Variants in ATP2B2 observed in about 807,000 individuals in gnomAD.
The protein encoded by ATP2B2 is ATPase plasma membrane Ca2+ transporting 2.
Under a neutral mutation model 120.0 loss-of-function variants are expected in ATP2B2, and 15 were observed. That is an observed-to-expected ratio of 0.12 (90% CI 0.08 to 0.19). The LOEUF is 0.19. Among genes scored for constraint, ATP2B2 ranks in the 10% least tolerant of loss-of-function variants. The pLI, the probability that ATP2B2 is intolerant of heterozygous loss-of-function variation, is 1.00. For synonymous variants in ATP2B2, 694 were observed against 700.3 expected, an observed-to-expected ratio of 0.99 and a Z score of 0.14; for missense variants, 1,045 against 1,719.8, an observed-to-expected ratio of 0.61 and a Z score of 6.94.
At chr3:10,494,416 C>T (rs2125378779) in intron 1 of ATP2B2, among the ~76,000 whole-genome samples, 1 of 152,264 alleles carries the variant, frequency 6.6e-6, no homozygotes, top group South Asian at 2.1e-4. Flanking sequence ...GTCATTTGCT[C>T]AAGGTCACAT....
chr3:10,345,051 C>G (rs893739398), intron 18 of ATP2B2, among the ~76,000 whole-genome samples: 20 of 152,238 alleles, frequency 1.3e-4, no homozygotes, highest in African/African-American at 4.6e-4. Context: ...CCTCTGCCCT[C>G]GTGGTGGCCA....
chr3:10,615,123 C>A (rs1020399697), intron 2 of ATP2B2, among the ~76,000 whole-genome samples: 11 of 152,004 alleles, frequency 7.2e-5, no homozygotes, highest in Non-Finnish European at 1.2e-4. Flanking sequence ...GCAGGAAGCA[C>A]CCTAAACCAC....
intron 1 of ATP2B2, among the ~76,000 whole-genome samples, chr3:10,641,914 C>T (rs2070182002): frequency 2.0e-5 from 3 of 152,022 alleles, no homozygotes. Context: ...ATCCATCATC[C>T]ACCCATCCAT....
intron 1 of ATP2B2, among the ~76,000 whole-genome samples, chr3:10,485,531 C>G (rs1163937301): frequency 6.6e-6 from 1 of 152,226 alleles, no homozygotes; most frequent in South Asian, 2.1e-4. Context: ...CCGCTCCCTC[C>G]GCTTCTCCCT....
At chr3:10,361,514 C>T (rs2060898340) in intron 12 of ATP2B2, among the ~76,000 whole-genome samples, 1 of 152,296 alleles carries the variant, frequency 6.6e-6, no homozygotes, top group Non-Finnish European at 1.5e-5. Context: ...TTCATGCTGG[C>T]CCTGTGCCCG....
chr3:10,636,472 T>C (rs1655718914), intron 1 of ATP2B2, among the ~76,000 whole-genome samples: 1 of 152,216 alleles, frequency 6.6e-6, no homozygotes, highest in African/African-American at 2.4e-5. Flanking sequence ...AGAGGAATTG[T>C]TCTAACGATC....
chr3:10,489,766 T>G (rs543188292), intron 1 of ATP2B2, among the ~76,000 whole-genome samples: 85 of 152,270 alleles, frequency 5.6e-4, no homozygotes, highest in Middle Eastern at 3.4e-3. Context: ...GCCTCCAGCC[T>G]CTAGCCTCCA....
chr3:10,453,036 T>C (rs1285515637), intron 1 of ATP2B2, among the ~76,000 whole-genome samples: 1 of 152,244 alleles, frequency 6.6e-6, no homozygotes, highest in Non-Finnish European at 1.5e-5. Flanking sequence ...TAACATTGCC[T>C]GACTGGCACA....
At chr3:10,351,613 C>T (rs1356226802) in intron 14 of ATP2B2, among the ~76,000 whole-genome samples, 1 of 152,184 alleles carries the variant, frequency 6.6e-6, no homozygotes, top group African/African-American at 2.4e-5. Context: ...GTATTCCCCC[C>T]AAAAGACAGA....
At chr3:10,456,987 C>T (rs887223744) in intron 1 of ATP2B2, among the ~76,000 whole-genome samples, 4 of 152,230 alleles carry the variant, frequency 2.6e-5, no homozygotes, top group Non-Finnish European at 5.9e-5. Flanking sequence ...CTCAGCCATT[C>T]TCTTAGATAT....
At chr3:10,489,363 C>T (rs1401926186) in intron 1 of ATP2B2, among the ~76,000 whole-genome samples, 2 of 152,218 alleles carry the variant, frequency 1.3e-5, no homozygotes, top group African/African-American at 4.8e-5. Flanking sequence ...GCCTGGCACA[C>T]AGTAGGCCCC....
At chr3:10,421,341 A>G (rs902490318) in intron 2 of ATP2B2, among the ~76,000 whole-genome samples, 2 of 152,130 alleles carry the variant, frequency 1.3e-5, no homozygotes, top group African/African-American at 4.8e-5. Context: ...AGGGGCTGCC[A>G]GCTCCCACAG....
intron 2 of ATP2B2, chr3:10,570,159 T>C (rs2068091890): frequency 6.6e-6 from 1 of 152,162 alleles, no homozygotes; most frequent in South Asian, 2.1e-4. Context: ...CTAGCGTCCT[T>C]CACTGTGCAG....
chr3:10,486,324 C>CGTGTGTGCGTGTGTGCGT (rs763360449), intron 1 of ATP2B2, among the ~76,000 whole-genome samples: 2 of 117,088 alleles, frequency 1.7e-5, no homozygotes, highest in South Asian at 2.6e-4. Context: ...TGTGTGCGTG[C>CGTGTGTGCGTGTGTGCGT]GTGTGTGTGT....
chr3:10,678,127 C>CATA (rs1302317921), intron 1 of ATP2B2, among the ~76,000 whole-genome samples: 1 of 152,202 alleles, frequency 6.6e-6, no homozygotes, highest in African/African-American at 2.4e-5. Flanking sequence ...AATGTGCAAA[C>CATA]CGTGGTTCTC....
At chr3:10,657,269 A>G (rs1333170315) in intron 1 of ATP2B2, among the ~76,000 whole-genome samples, 1 of 152,234 alleles carries the variant, frequency 6.6e-6, no homozygotes, top group African/African-American at 2.4e-5. Context: ...GCCTTTGCAC[A>G]TGCCGTTCCC....
chr3:10,682,771 G>A (rs1187641985), intron 1 of ATP2B2, among the ~76,000 whole-genome samples: 1 of 152,208 alleles, frequency 6.6e-6, no homozygotes, highest in African/African-American at 2.4e-5. Flanking sequence ...GATGCTTGGT[G>A]ACCATTGGTT....
At chr3:10,521,015 C>T (rs9810624) in intron 3 of ATP2B2, among the ~76,000 whole-genome samples, 8,007 of 152,232 alleles carry the variant, frequency 0.053, 547 homozygotes, top group African/African-American at 0.16. Context: ...ACTCTGTTTG[C>T]AGTTCTGAGG....
chr3:10,499,657 T>C (rs949679828), intron 1 of ATP2B2, among the ~76,000 whole-genome samples: 12 of 152,304 alleles, frequency 7.9e-5, no homozygotes, highest in Admixed American at 2.0e-4. Flanking sequence ...CTCTGCCACA[T>C]GTTGGTCTCC....
Sources: allele counts gnomAD v4.1 joint callset (sites outside exome capture counted in the v4.1 genomes callset), GRCh38; gene constraint gnomAD v4.1.1; transcripts MANE v1.5; gene names NCBI Gene and HGNC (gene_info 2026-07-23, HGNC 2026-07-21).